MTA3: variants seen among roughly 807,000 people sequenced by gnomAD.
MTA3 encodes metastasis associated 1 family member 3, also known as metastasis-associated protein MTA3.
In MTA3, 34 loss-of-function variants were observed where a neutral mutation model predicts 83.5. That is an observed-to-expected ratio of 0.41 (90% CI 0.31 to 0.54). The LOEUF (loss-of-function observed/expected upper bound fraction) is 0.54. MTA3 is among the 20% of genes least tolerant of loss of function. The probability of loss-of-function intolerance (pLI) is 0.33; values close to 1 mark genes in which losing one functional copy is unlikely to be tolerated. For synonymous variants in MTA3, 303 were observed against 252.7 expected (o/e 1.20, Z -1.89); for missense variants, 761 against 726.4 (o/e 1.05, Z -0.55).
intron 7 of MTA3, among the ~76,000 whole-genome samples, chr2:42,656,538 G>C (rs1689186509): frequency 6.6e-6 from 1 of 152,092 alleles, no homozygotes; most frequent in African/African-American, 2.4e-5. Context: ...GTATAAAGAA[G>C]AAATTCTTTA....
At chr2:42,751,776 T>C (rs1486900270) in intron 16 of MTA3, among the ~76,000 whole-genome samples, 3 of 152,184 alleles carry the variant, frequency 2.0e-5, no homozygotes, top group Admixed American at 2.0e-4. Flanking sequence ...TGATAGGTGG[T>C]TTAATTCCAT....
At chr2:42,549,362 C>A (rs1409469733) in intron 2 of MTA3, among the ~76,000 whole-genome samples, 2 of 106,594 alleles carry the variant, frequency 1.9e-5, no homozygotes. Flanking sequence ...TACATATATA[C>A]GTATATACGT....
chr2:42,634,496 A>G (rs887374858), intron 4 of MTA3, among the ~76,000 whole-genome samples: 1 of 152,012 alleles, frequency 6.6e-6, no homozygotes, highest in Middle Eastern at 3.2e-3. Flanking sequence ...CATGTATAAA[A>G]CCGTCAGATC....
At chr2:42,702,036 C>G (rs1183663742) in intron 11 of MTA3, among the ~76,000 whole-genome samples, 1 of 152,098 alleles carries the variant, frequency 6.6e-6, no homozygotes, top group Non-Finnish European at 1.5e-5. Flanking sequence ...CATGGTGAAA[C>G]TCCGTCTCTA....
intron 5 of MTA3, among the ~76,000 whole-genome samples, chr2:42,643,162 T>A (rs1490634230): frequency 6.6e-6 from 1 of 151,824 alleles, no homozygotes; most frequent in Non-Finnish European, 1.5e-5. Flanking sequence ...CCCTTTCCCC[T>A]TATCACAGTA....
rs111939079 is a variant in MTA3 at position 42,517,026 on chromosome 2, G to A, written c.-141+21772G>A. On this transcript the variant is annotated intron_variant, in intron 2 of 17. Transcript: ENST00000405592. ...TGTAAACCCAGCACTTTGGGAGGCC[G>A]AGGCGGGCAGATCACCTGAGGTGAG... is the stretch of plus-strand genomic sequence containing the variant. Among the ~76,000 whole-genome samples the A allele has an allele frequency of 3.7e-3, 561 of 152,210 alleles. 6 individuals are homozygous for A. The highest frequency in any genetic ancestry group is 0.013 in the African/African-American group (522 of 41,544).
chr2:42,628,733 T>A (rs1188319800), intron 4 of MTA3, among the ~76,000 whole-genome samples: 2 of 151,992 alleles, frequency 1.3e-5, no homozygotes, highest in African/African-American at 4.8e-5. Context: ...TGTCTCTTTT[T>A]AAAACTGAGT....
At chr2:42,584,953 A>G (rs1182035784) in intron 3 of MTA3, among the ~76,000 whole-genome samples, 1 of 151,018 alleles carries the variant, frequency 6.6e-6, no homozygotes. Flanking sequence ...TTTTTTTGAG[A>G]CAGAGTCTCG....
intron 9 of MTA3, among the ~76,000 whole-genome samples, chr2:42,683,820 C>G (rs776817459): frequency 6.6e-6 from 1 of 152,174 alleles, no homozygotes; most frequent in Non-Finnish European, 1.5e-5. Context: ...ACAGATGAAG[C>G]TTCGCTCGCT....
chr2:42,629,814 T>G (rs907154071), intron 4 of MTA3, among the ~76,000 whole-genome samples: 1 of 152,082 alleles, frequency 6.6e-6, no homozygotes, highest in Admixed American at 6.6e-5. Flanking sequence ...AGTCTTGCTC[T>G]GTCTCCCAGG....
intron 2 of MTA3, among the ~76,000 whole-genome samples, chr2:42,530,356 G>T (rs1486380959): frequency 1.3e-5 from 2 of 152,122 alleles, no homozygotes; most frequent in Middle Eastern, 3.4e-3. Context: ...GCTTGGTGGC[G>T]GGCGCATGTA....
intron 3 of MTA3, among the ~76,000 whole-genome samples, chr2:42,591,839 C>T (rs937648096): frequency 6.6e-5 from 10 of 152,016 alleles, no homozygotes; most frequent in South Asian, 2.1e-4. Flanking sequence ...TTAGTAGAGA[C>T]GGAGTTTCAC....
chr2:42,709,641 A>C (rs934537227), intron 14 of MTA3: 1 of 152,388 alleles, frequency 6.6e-6, no homozygotes, highest in African/African-American at 2.4e-5. Context: ...ATTCATAACA[A>C]ATACTATATT....
At chr2:42,625,355 C>A (rs1351846779) in intron 4 of MTA3, among the ~76,000 whole-genome samples, 5 of 151,344 alleles carry the variant, frequency 3.3e-5, no homozygotes, top group African/African-American at 7.3e-5. Context: ...TTCCATTTTT[C>A]TTTTTTTCCC....
Position 42,548,812 on chromosome 2 carries a change from T to TATATATATATATA in MTA3, c.-140-21624_-140-21612dup, listed in dbSNP as rs1676883191. The stretch of plus-strand genomic sequence containing the variant: ...AGTGAGACCCTGTCTCAAAAAAAAA[T>TATATATATATATA]ATATATATATATATATAATATATAT... On this transcript the variant is annotated intron_variant, in intron 2 of 17. Transcript: ENST00000405592. Among the ~76,000 whole-genome samples the TATATATATATATA allele has an allele frequency of 1.8e-3, 66 of 37,182 alleles. 4 individuals are homozygous for TATATATATATATA. The highest frequency in any genetic ancestry group is 4.5e-3 in the Admixed American group (9 of 1,982). 24.4% of individuals were successfully genotyped at this position (37,182 alleles called of 152,430 possible). A position where few individuals can be genotyped will look rare whatever the true frequency, so the allele number is the denominator to read the frequency against.
At position 42,572,235 on chromosome 2, in the gene MTA3, C is replaced by T. The variant is rs989129509; in HGVS notation, c.96+1731C>T. Among the ~76,000 whole-genome samples, 15 of 151,646 alleles carry T rather than the reference C, an allele frequency of 9.9e-5. No individual in the cohort carries two copies. The East Asian group carries it at 1.9e-3, about 20-fold the overall frequency. The stretch of plus-strand genomic sequence containing the variant: ...TGGAGCTTGCAGTGAGCCGAGATCG[C>T]GCCACTGCCCTCCAGCCTGGGTGAC... On this transcript the variant is annotated intron_variant, in intron 2 of 16. Transcript: ENST00000405094.
chr2:42,672,764 T>C (rs1304103229), intron 8 of MTA3, among the ~76,000 whole-genome samples: 4 of 151,758 alleles, frequency 2.6e-5, no homozygotes, highest in African/African-American at 9.7e-5. Flanking sequence ...CTTAGCAAGT[T>C]TGTTGGATGA....
intron 4 of MTA3, among the ~76,000 whole-genome samples, chr2:42,622,755 G>T (rs2104203887): frequency 6.6e-6 from 1 of 151,862 alleles, no homozygotes; most frequent in East Asian, 1.9e-4. Context: ...GTCTCTCAAA[G>T]TGCTGGGATT....
At chr2:42,547,961 A>G (rs1676834978) in intron 2 of MTA3, among the ~76,000 whole-genome samples, 1 of 152,214 alleles carries the variant, frequency 6.6e-6, no homozygotes, top group Non-Finnish European at 1.5e-5. Context: ...ACTCAAATAA[A>G]GAAGTACGGA....
Sources: gnomAD v4.1 joint callset for allele counts (sites outside exome capture counted in the v4.1 genomes callset) on GRCh38, gnomAD v4.1.1 for gene constraint, MANE v1.5 for transcripts, NCBI Gene and HGNC (gene_info 2026-07-23, HGNC 2026-07-21) for gene names.